Variants in OTUB2 observed in about 807,000 individuals in gnomAD.
The protein encoded by OTUB2 is ubiquitin thioesterase OTUB2.
In OTUB2, 21 loss-of-function variants were observed where a neutral mutation model predicts 25.1. The observed-to-expected ratio is 0.84, with a 90% CI of 0.59 to 1.21. OTUB2 has a LOEUF of 1.21. Ranked by LOEUF, OTUB2 falls within the 50% of genes most tolerant of loss-of-function variation. The pLI is 0.00. For synonymous variants in OTUB2, 122 were observed against 122.8 expected, an observed-to-expected ratio of 0.99 and a Z score of 0.04; for missense variants, 283 against 298.0, an observed-to-expected ratio of 0.95 and a Z score of 0.37.
At chr14:94,044,435 A>G in intron 4 of OTUB2, 151 bp from the exon 5 acceptor site, 1 of 849,386 alleles carries the variant, frequency 1.2e-6, no homozygotes, top group South Asian at 1.8e-5. Flanking sequence ...TAGCTTAGGC[A>G]GAATCTCAGA....
At chr14:94,036,240 A>G (rs374891934) in intron 1 of OTUB2, among the ~76,000 whole-genome samples, 2 of 152,268 alleles carry the variant, frequency 1.3e-5, no homozygotes, top group East Asian at 1.9e-4. Flanking sequence ...GTGACATGAA[A>G]AAGGCCAGTT....
chr14:94,043,720 A>G (rs1269518832), intron 3 of OTUB2, among the ~76,000 whole-genome samples: 1 of 152,164 alleles, frequency 6.6e-6, no homozygotes, highest in Non-Finnish European at 1.5e-5. Context: ...AAAATCACAC[A>G]CGCCCTTGTC....
chr14:94,041,535 C>T (rs1271209436), intron 3 of OTUB2, among the ~76,000 whole-genome samples: 2 of 152,070 alleles, frequency 1.3e-5, no homozygotes, highest in Admixed American at 6.5e-5. Context: ...TGGGCTCAGG[C>T]GGTCCTCCCT....
At chr14:94,033,311 A>C (rs993889500) in intron 1 of OTUB2, among the ~76,000 whole-genome samples, 10 of 152,338 alleles carry the variant, frequency 6.6e-5, no homozygotes, top group Admixed American at 2.6e-4. Context: ...ACCTAACTTG[A>C]CTTTCCTGGC....
At chr14:94,026,628 G>T in intron 1 of OTUB2, 88 bp downstream of exon 1, 2 of 1,197,210 alleles carry the variant, frequency 1.7e-6, no homozygotes, top group East Asian at 3.2e-5. Flanking sequence ...CCCGCGGGAC[G>T]GGGGTCGGAC....
intron 3 of OTUB2, 83 bp downstream of exon 3, chr14:94,039,164 A>C (rs905762371): frequency 9.0e-7 from 1 of 1,105,382 alleles, no homozygotes; most frequent in Admixed American, 2.1e-5. Flanking sequence ...TTTTCGTTAC[A>C]CTCAGGCTGG....
chr14:94,026,473 C>G lies in OTUB2; in HGVS notation c.-65C>G. On this transcript the variant is annotated 5_prime_UTR_variant, in exon 1 of 6. Coordinates refer to ENST00000203664, the MANE Select transcript of OTUB2 (RefSeq NM_023112.4). Reference sequence around the variant, plus strand: ...AGCGGCGGAGCCCGCCCGCGCCTCCCGCGGCATTCCCGCACCGGATCGCTC... The same window carrying G: ...AGCGGCGGAGCCCGCCCGCGCCTCCGGCGGCATTCCCGCACCGGATCGCTC... 1 of 1,326,200 alleles carries G rather than the reference C, an allele frequency of 7.5e-7. No homozygotes were observed. The highest frequency in any genetic ancestry group is 3.6e-5 in the Admixed American group (1 of 27,458). The allele number at this position is 1,326,200 out of a possible 1,614,324, so 82.2% of individuals were successfully genotyped here. A position where few individuals can be genotyped will look rare whatever the true frequency, so the allele number is the denominator to read the frequency against.
At chr14:94,038,576 A>C in intron 2 of OTUB2, among the ~76,000 whole-genome samples, 1 of 96,702 alleles carries the variant, frequency 1.0e-5, no homozygotes, top group South Asian at 3.7e-4. Context: ...TCACACATGC[A>C]ACCCCCTACC....
chr14:94,043,464 G>T (rs987424615), intron 3 of OTUB2, among the ~76,000 whole-genome samples: 1 of 152,222 alleles, frequency 6.6e-6, no homozygotes, highest in Non-Finnish European at 1.5e-5. Flanking sequence ...CCCAGAAAGG[G>T]GCTGCGCCAT....
At chr14:94,028,175 G>A (rs1007693689) in intron 1 of OTUB2, among the ~76,000 whole-genome samples, 15 of 152,362 alleles carry the variant, frequency 9.8e-5, no homozygotes, top group Admixed American at 9.1e-4. Context: ...GGCGAAGGAT[G>A]AAGTGGTTAA....
Position 94,026,526 on chromosome 14 carries a change from G to A in OTUB2, c.-12G>A. 7.9e-7 allele frequency: 1 copy of A among 1,263,208 alleles called. No individual in the cohort carries two copies. The highest frequency in any genetic ancestry group is 1.0e-6 in the Non-Finnish European group (1 of 998,224). The allele number at this position is 1,263,208 out of a possible 1,614,324, so 78.2% of individuals were successfully genotyped here. ...CGCTGGGGCGGGACCTGGCCTGGCG[G>A]CTCTGGTCACTATGGTCAGTGATCG... On this transcript the variant is annotated 5_prime_UTR_variant, in exon 1 of 6. Transcript: ENST00000203664.
intron 3 of OTUB2, chr14:94,039,370 G>A (rs1885116615): frequency 1.4e-5 from 6 of 444,054 alleles, no homozygotes; most frequent in South Asian, 4.1e-5. Flanking sequence ...CAGGTACTTC[G>A]TGACCCACTC....
intron 3 of OTUB2, among the ~76,000 whole-genome samples, chr14:94,040,848 G>A (rs1330812203): frequency 6.6e-6 from 1 of 152,244 alleles, no homozygotes; most frequent in African/African-American, 2.4e-5. Flanking sequence ...AGGAGGCCGA[G>A]GAGTGCAAGG....
chr14:94,042,084 T>C (rs895050275), intron 3 of OTUB2, among the ~76,000 whole-genome samples: 3 of 152,244 alleles, frequency 2.0e-5, no homozygotes, highest in African/African-American at 7.2e-5. Context: ...GTTGCAGCAG[T>C]ATGCTTGTTC....
At chr14:94,035,452 C>A (rs1177518917) in intron 1 of OTUB2, among the ~76,000 whole-genome samples, 1 of 151,934 alleles carries the variant, frequency 6.6e-6, no homozygotes, top group Non-Finnish European at 1.5e-5. Flanking sequence ...CCATGCCCAG[C>A]TAATTTTTTT....
intron 1 of OTUB2, among the ~76,000 whole-genome samples, chr14:94,033,200 G>A (rs752384176): frequency 3.3e-5 from 5 of 152,122 alleles, no homozygotes; most frequent in Non-Finnish European, 7.4e-5. Flanking sequence ...GTGAGCCACC[G>A]AGCCCGGCCC....
intron 1 of OTUB2, among the ~76,000 whole-genome samples, chr14:94,028,315 T>C (rs1035348311): frequency 6.6e-6 from 1 of 152,224 alleles, no homozygotes; most frequent in Non-Finnish European, 1.5e-5. Flanking sequence ...CTGTGCTGCA[T>C]GGTGGGTTTT....
chr14:94,036,870 C>G (rs1032089136), intron 1 of OTUB2, among the ~76,000 whole-genome samples: 1 of 152,196 alleles, frequency 6.6e-6, no homozygotes, highest in Admixed American at 6.5e-5. Flanking sequence ...CACCCCCTAT[C>G]TTGATTGTTT....
intron 3 of OTUB2, among the ~76,000 whole-genome samples, chr14:94,041,441 C>T (rs554299363): frequency 7.9e-5 from 12 of 152,194 alleles, no homozygotes; most frequent in Non-Finnish European, 1.6e-4. Flanking sequence ...TTTTTTCTTT[C>T]TTTTTTTAAA....
Sources: gnomAD v4.1 joint callset for allele counts (sites outside exome capture counted in the v4.1 genomes callset) on GRCh38, gnomAD v4.1.1 for gene constraint, MANE v1.5 for transcripts, NCBI Gene and HGNC (gene_info 2026-07-23, HGNC 2026-07-21) for gene names.